The following OSTF1 variants were observed in gnomAD, a reference collection of about 807,000 sequenced individuals.
OSTF1 encodes osteoclast-stimulating factor 1.
Under a neutral mutation model 37.2 loss-of-function variants are expected in OSTF1, and 27 were observed. The observed-to-expected ratio is 0.73, with a 90% CI of 0.54 to 1.00. The LOEUF is 1.00. Ranked by LOEUF, OSTF1 falls within the 50% of genes least tolerant of loss-of-function variation. The pLI, the probability that OSTF1 is intolerant of heterozygous loss-of-function variation, is 0.00. For missense variants in OSTF1, 232 were observed against 253.8 expected (o/e 0.91, Z 0.58); for synonymous variants, 82 against 89.2 (o/e 0.92, Z 0.46).
intron 1 of OSTF1, among the ~76,000 whole-genome samples, chr9:75,104,510 A>G (rs1448982642): frequency 6.6e-6 from 1 of 152,136 alleles, no homozygotes; most frequent in Non-Finnish European, 1.5e-5. Flanking sequence ...ACTACACTCC[A>G]GCCTGGGTGA....
intron 1 of OSTF1, among the ~76,000 whole-genome samples, chr9:75,105,123 C>T (rs966603606): frequency 6.6e-6 from 1 of 152,134 alleles, no homozygotes; most frequent in African/African-American, 2.4e-5. Flanking sequence ...TTTAATCTTG[C>T]ATATATGTAA....
chr9:75,145,910 C>T (rs1175966104), intron 9 of OSTF1, among the ~76,000 whole-genome samples: 2 of 152,180 alleles, frequency 1.3e-5, no homozygotes, highest in African/African-American at 4.8e-5. Flanking sequence ...CTTCCTGCCC[C>T]ATACTTGGAA....
intron 9 of OSTF1, among the ~76,000 whole-genome samples, chr9:75,142,199 T>G (rs1444520300): frequency 3.9e-5 from 6 of 152,360 alleles, no homozygotes; most frequent in Admixed American, 3.9e-4. Context: ...TTTAAAGTAA[T>G]TCCTCATGGA....
intron 1 of OSTF1, among the ~76,000 whole-genome samples, chr9:75,090,075 G>C (rs1012685642): frequency 2.6e-5 from 4 of 152,166 alleles, no homozygotes; most frequent in Non-Finnish European, 5.9e-5. Context: ...TCCATTTTAA[G>C]TGCATATGTA....
chr9:75,128,470 TTTTGTCC>T (rs1158334809), intron 3 of OSTF1, among the ~76,000 whole-genome samples: 1 of 58,462 alleles, frequency 1.7e-5, no homozygotes, highest in Non-Finnish European at 3.3e-5. Flanking sequence ...TATATATATA[TTTTGTCC>T]ATATATATAT....
intron 9 of OSTF1, 68 bp downstream of exon 9, chr9:75,141,000 G>A (rs572719975): frequency 1.0e-4 from 116 of 1,154,146 alleles, no homozygotes; most frequent in Middle Eastern, 8.0e-4. Context: ...TTAGAATGGC[G>A]CAAAAGAGAT....
At chr9:75,143,454 G>C (rs1273768916) in intron 9 of OSTF1, among the ~76,000 whole-genome samples, 1 of 152,060 alleles carries the variant, frequency 6.6e-6, no homozygotes, top group Non-Finnish European at 1.5e-5. Flanking sequence ...TGAAGCTAGA[G>C]AACAGTTCCC....
At chr9:75,141,603 AT>A in intron 9 of OSTF1, among the ~76,000 whole-genome samples, 1 of 152,324 alleles carries the variant, frequency 6.6e-6, no homozygotes, top group African/African-American at 2.4e-5. Context: ...TAAAAATAAC[AT>A]TTAATAGCTC....
At chr9:75,126,122 C>T (rs936261286) in intron 2 of OSTF1, among the ~76,000 whole-genome samples, 1 of 152,072 alleles carries the variant, frequency 6.6e-6, no homozygotes, top group Non-Finnish European at 1.5e-5. Context: ...ACCATGTTGG[C>T]CAGGCTGGTC....
In OSTF1 at chr9:75,101,138, G is replaced by A. The variant is rs924907990; in HGVS notation, c.34+12412G>A. 5.3e-5 allele frequency among the ~76,000 whole-genome samples: 8 copies of A among 152,074 alleles called. 1 individual carries two copies. Among genetic ancestry groups the A allele is most frequent in the Non-Finnish European group, 1.2e-4 (8 of 68,022 alleles). ...GACTTCTGCTTAGCCCCTCCTTCCCGTAAACAATCTCGACTCTCAGGACCG... is the reference window on the plus strand; with the variant it reads ...GACTTCTGCTTAGCCCCTCCTTCCCATAAACAATCTCGACTCTCAGGACCG... On this transcript the variant is annotated intron_variant, in intron 1 of 9. Coordinates refer to ENST00000346234, the MANE Select transcript of OSTF1 (RefSeq NM_012383.5).
intron 9 of OSTF1, among the ~76,000 whole-genome samples, chr9:75,143,005 T>C (rs2118641056): frequency 1.3e-5 from 2 of 150,258 alleles, no homozygotes; most frequent in South Asian, 4.2e-4. Flanking sequence ...AGTGACACAA[T>C]CTCAGTTCAC....
intron 2 of OSTF1, among the ~76,000 whole-genome samples, chr9:75,123,058 TG>T (rs1267989607): frequency 6.6e-6 from 1 of 152,202 alleles, no homozygotes; most frequent in African/African-American, 2.4e-5. Flanking sequence ...AACATCCCAG[TG>T]GACAACAGCC....
intron 7 of OSTF1, among the ~76,000 whole-genome samples, chr9:75,135,901 G>A (rs1564168359): frequency 6.6e-6 from 1 of 152,226 alleles, no homozygotes; most frequent in African/African-American, 2.4e-5. Flanking sequence ...ACAGCTCACA[G>A]TATGGCTGTT....
Position 75,088,628 on chromosome 9 carries a change from CAGG to C in OSTF1, c.-64_-62del, listed in dbSNP as rs945711094. On this transcript the variant is annotated 5_prime_UTR_variant, in exon 1 of 10. Transcript: ENST00000346234. ...AAAAGAACTGGGGTGCCCGGAGTGC[CAGG>C]TGGCGGGCAAGCGGTGGGCTTTTCG... 6.5e-7 allele frequency: 1 copy of C among 1,536,720 alleles called. No homozygotes were observed. Among genetic ancestry groups the C allele is most frequent in the African/African-American group, 1.4e-5 (1 of 72,940 alleles).
chr9:75,132,950 A>G (rs1330342144), intron 5 of OSTF1, among the ~76,000 whole-genome samples: 1 of 149,112 alleles, frequency 6.7e-6, no homozygotes, highest in Non-Finnish European at 1.5e-5. Context: ...AGAAAAAAAT[A>G]ATATATACAC....
chr9:75,090,836 G>A (rs928806496), intron 1 of OSTF1, among the ~76,000 whole-genome samples: 3 of 152,092 alleles, frequency 2.0e-5, no homozygotes, highest in Non-Finnish European at 4.4e-5. Flanking sequence ...AAACAGAAAT[G>A]TCCTATCGTA....
intron 1 of OSTF1, among the ~76,000 whole-genome samples, chr9:75,104,621 T>G (rs1825252930): frequency 6.6e-6 from 1 of 152,122 alleles, no homozygotes; most frequent in Non-Finnish European, 1.5e-5. Context: ...ATATACAGGG[T>G]GAGGATTTCG....
chr9:75,106,073 TTTTTCTGTTTC>T (rs1251042119), intron 1 of OSTF1, among the ~76,000 whole-genome samples: 1 of 152,176 alleles, frequency 6.6e-6, no homozygotes, highest in Non-Finnish European at 1.5e-5. Flanking sequence ...TTCTTTAGGT[TTTTTCTGTTTC>T]TTTTTTGGAT....
chr9:75,118,447 T>G (rs1564161222), intron 2 of OSTF1, among the ~76,000 whole-genome samples: 1 of 152,114 alleles, frequency 6.6e-6, no homozygotes, highest in Non-Finnish European at 1.5e-5. Context: ...CCTGTGGATC[T>G]CATTTGGATT....
Sources: allele counts gnomAD v4.1 joint callset (sites outside exome capture counted in the v4.1 genomes callset), GRCh38; gene constraint gnomAD v4.1.1; transcripts MANE v1.5; gene names NCBI Gene and HGNC (gene_info 2026-07-23, HGNC 2026-07-21).